AFF2: variants seen among roughly 807,000 people sequenced by gnomAD.
AFF2 encodes the protein AF4/FMR2 family member 2.
In AFF2, 14 loss-of-function variants were observed where a neutral mutation model predicts 76.9. The ratio of observed to expected loss-of-function variants is 0.18; its 90% CI spans 0.12 to 0.28. AFF2 has a LOEUF of 0.28. AFF2 is among the 10% of genes least tolerant of loss of function. The pLI, the probability that AFF2 is intolerant of heterozygous loss-of-function variation, is 1.00. For missense variants in AFF2, 868 were observed against 1,001.1 expected, an observed-to-expected ratio of 0.87 and a Z score of 1.79; for synonymous variants, 398 against 366.7, an observed-to-expected ratio of 1.09 and a Z score of -0.98.
At chrX:148,590,567 C>G (rs986516488) in intron 1 of AFF2, among the ~76,000 whole-genome samples, 3 of 111,816 alleles carry the variant, frequency 2.7e-5, no homozygotes, top group Admixed American at 9.5e-5. Flanking sequence ...GGTGACAAAC[C>G]CCAATGTTGC....
chrX:148,739,848 G>C (rs2055329058), intron 3 of AFF2, among the ~76,000 whole-genome samples: 1 of 111,611 alleles, frequency 9.0e-6, no homozygotes, highest in South Asian at 3.7e-4. Context: ...GCTTGGTAAT[G>C]GCGAATTCTC....
chrX:148,991,093 T>C (rs1189040477), intron 20 of AFF2, 118 bp from the exon 21 acceptor site: 10 of 796,052 alleles, frequency 1.3e-5, no homozygotes, highest in Non-Finnish European at 1.7e-5. Flanking sequence ...AATGGACAAA[T>C]GAATCACATT....
rs1274542326 is a variant in AFF2 at position 148,676,128 on chromosome X, T to A, written c.1041+13360T>A. ...AGGCTGGAGTGCAGTGGCACCGTCT[T>A]GGCTCACTGCAAGCTCCGCCTCCCA... On this transcript the variant is annotated intron_variant, in intron 3 of 20. Coordinates refer to ENST00000370460, the MANE Select transcript of AFF2 (RefSeq NM_002025.4). Among the ~76,000 whole-genome samples, 5 of 106,642 alleles carry A rather than the reference T, an allele frequency of 4.7e-5. No homozygotes were observed. The East Asian group carries it at 1.5e-3, about 32-fold the overall frequency. 92.6% of individuals were successfully genotyped at this position (106,642 alleles called of 115,157 possible). A position where few individuals can be genotyped will look rare whatever the true frequency, so the allele number is the denominator to read the frequency against.
intron 3 of AFF2, among the ~76,000 whole-genome samples, chrX:148,757,050 A>G (rs1306185705): frequency 3.6e-5 from 4 of 112,642 alleles, no homozygotes; most frequent in Non-Finnish European, 7.5e-5. Context: ...TGATATATTT[A>G]GAAAATGTTC....
chrX:148,662,821 C>T, intron 3 of AFF2, 53 bp downstream of exon 3: 1 of 1,120,805 alleles, frequency 8.9e-7, no homozygotes, highest in Non-Finnish European at 1.2e-6. Flanking sequence ...GTTCTCTGCT[C>T]TAACCTCTAT....
Position 148,947,499 on chromosome X carries a change from T to C in AFF2, c.1398-6081T>C, listed in dbSNP as rs180790485. On this transcript the variant is annotated intron_variant, in intron 9 of 20. Coordinates refer to ENST00000370460, the MANE Select transcript of AFF2 (RefSeq NM_002025.4). ...ATATTATTCTTCTGTGTACACTTTC[T>C]ATTGCTTTCTATTTCTGCATACACT... is the stretch of plus-strand genomic sequence containing the variant. Among the ~76,000 whole-genome samples the C allele has an allele frequency of 4.7e-3, 532 of 112,069 alleles. 3 individuals carry two copies. Among genetic ancestry groups the C allele is most frequent in the Middle Eastern group, 0.023 (5 of 219 alleles).
intron 4 of AFF2, among the ~76,000 whole-genome samples, chrX:148,836,893 A>G (rs1358165489): frequency 8.9e-6 from 1 of 111,943 alleles, no homozygotes; most frequent in Non-Finnish European, 1.9e-5. Flanking sequence ...TACACTGTCT[A>G]TGTGTATGGC....
intron 3 of AFF2, among the ~76,000 whole-genome samples, chrX:148,696,468 A>T (rs2054723800): frequency 9.0e-6 from 1 of 111,052 alleles, no homozygotes; most frequent in Non-Finnish European, 1.9e-5. Context: ...ATAAATAAAT[A>T]ATATTTTCAA....
At chrX:148,614,313 A>T (rs1210495352) in intron 1 of AFF2, among the ~76,000 whole-genome samples, 1 of 112,049 alleles carries the variant, frequency 8.9e-6, no homozygotes, top group African/African-American at 3.2e-5. Flanking sequence ...GTAGGTGGAA[A>T]GCTGAATTGG....
chrX:148,811,581 G>C (rs1410677081), intron 4 of AFF2, among the ~76,000 whole-genome samples: 2 of 112,252 alleles, frequency 1.8e-5, no homozygotes, highest in African/African-American at 6.5e-5. Flanking sequence ...TAGTAACCTT[G>C]TTATTCCTTT....
chrX:148,621,268 G>A (rs1231762023), intron 1 of AFF2, among the ~76,000 whole-genome samples: 1 of 111,715 alleles, frequency 9.0e-6, no homozygotes, highest in African/African-American at 3.2e-5. Flanking sequence ...AACATATAAA[G>A]CATTTTGTTT....
chrX:148,914,983 C>A (rs926935117), intron 9 of AFF2, among the ~76,000 whole-genome samples: 29 of 112,380 alleles, frequency 2.6e-4, no homozygotes, highest in African/African-American at 9.1e-4. Context: ...CCTCTGTCGA[C>A]CGCAGAATGC....
In AFF2 at chrX:148,901,582, C is replaced by T. The variant is rs782723838; in HGVS notation, c.1360-2639C>T. The stretch of plus-strand genomic sequence containing the variant: ...ATTTTCCTCCTTTTGCAGTGTGTCT[C>T]ACATTCTGGCAAGTGTATCTGGAAC... On this transcript the variant is annotated intron_variant, in intron 8 of 20. Transcript: ENST00000370460. 3.6e-5 allele frequency among the ~76,000 whole-genome samples: 4 copies of T among 112,158 alleles called. No individual in the cohort carries two copies. The South Asian group carries it at 1.5e-3, about 41-fold the overall frequency.
At chrX:148,984,007 A>G (rs2124424210) in intron 19 of AFF2, among the ~76,000 whole-genome samples, 1 of 97,317 alleles carries the variant, frequency 1.0e-5, no homozygotes, top group Non-Finnish European at 2.0e-5. Context: ...AAGGAGAAAG[A>G]TAACAACAAA....
intron 9 of AFF2, among the ~76,000 whole-genome samples, chrX:148,931,253 CAA>C (rs782537927): frequency 1.4e-4 from 6 of 43,762 alleles, no homozygotes; most frequent in African/African-American, 4.6e-4. Flanking sequence ...GACTCTGTCT[CAA>C]AAAAAAAAAA....
chrX:148,758,975 TG>T (rs2069408631), intron 3 of AFF2, among the ~76,000 whole-genome samples: 1 of 112,105 alleles, frequency 8.9e-6, no homozygotes, highest in Non-Finnish European at 1.9e-5. Context: ...GGTTTCGCCA[TG>T]TTGGCCAGGC....
intron 3 of AFF2, among the ~76,000 whole-genome samples, chrX:148,708,710 T>C: frequency 8.9e-6 from 1 of 112,221 alleles, no homozygotes; most frequent in Middle Eastern, 4.6e-3. Context: ...TGAGACTCCG[T>C]CTCAAAAACA....
chrX:148,736,791 A>G (rs1302338552), intron 3 of AFF2, among the ~76,000 whole-genome samples: 1 of 111,804 alleles, frequency 8.9e-6, no homozygotes, highest in East Asian at 2.8e-4. Flanking sequence ...TGATTTTTGT[A>G]TAACGTGACA....
intron 7 of AFF2, among the ~76,000 whole-genome samples, chrX:148,882,389 A>G (rs1396302952): frequency 3.6e-5 from 4 of 111,967 alleles, no homozygotes; most frequent in African/African-American, 1.3e-4. Context: ...CTATGTCTCA[A>G]TACTACAAAT....
Sources: allele counts gnomAD v4.1 joint callset (sites outside exome capture counted in the v4.1 genomes callset), GRCh38; gene constraint gnomAD v4.1.1; transcripts MANE v1.5; gene names NCBI Gene and HGNC (gene_info 2026-07-23, HGNC 2026-07-21).